CMIP: variants seen among roughly 807,000 people sequenced by gnomAD.
CMIP encodes the protein c-Maf inducing protein.
In CMIP, 13 loss-of-function variants were observed where a neutral mutation model predicts 97.3. The ratio of observed to expected loss-of-function variants is 0.13; its 90% confidence interval spans 0.09 to 0.21. The LOEUF (loss-of-function observed/expected upper bound fraction) is 0.21, where lower values mean the gene tolerates loss of function less well. Ranked by LOEUF, CMIP falls within the 10% of genes least tolerant of loss-of-function variation. The pLI is 1.00. For missense variants in CMIP, 847 were observed against 1,024.9 expected (o/e 0.83, Z 2.37); for synonymous variants, 538 against 436.3 (o/e 1.23, Z -2.91).
intron 2 of CMIP, chr16:81,619,862 G>T (rs746178736): frequency 2.0e-5 from 3 of 152,174 alleles, no homozygotes; most frequent in Non-Finnish European, 4.4e-5. Flanking sequence ...CCACACACAG[G>T]ACTCAGAGCT....
chr16:81,609,529 C>A (rs2091797075), intron 2 of CMIP, among the ~76,000 whole-genome samples: 1 of 152,244 alleles, frequency 6.6e-6, no homozygotes, highest in Non-Finnish European at 1.5e-5. Context: ...GCGTGAAGAG[C>A]CCCTCAGCCC....
At chr16:81,497,959 T>C (rs1012469449) in intron 1 of CMIP, among the ~76,000 whole-genome samples, 12 of 152,264 alleles carry the variant, frequency 7.9e-5, no homozygotes, top group Non-Finnish European at 1.8e-4. Flanking sequence ...TCTCCGGTGC[T>C]TCCCTTATTT....
intron 1 of CMIP, among the ~76,000 whole-genome samples, chr16:81,607,344 C>T (rs2091760805): frequency 6.6e-6 from 1 of 152,216 alleles, no homozygotes; most frequent in South Asian, 2.1e-4. Flanking sequence ...AACTCTGCAC[C>T]TCCAAACGTG....
intron 18 of CMIP, 35 bp downstream of exon 18, chr16:81,704,120 C>A: frequency 6.3e-7 from 1 of 1,581,118 alleles, no homozygotes. Flanking sequence ...TCCCCCACAC[C>A]CTCCTCCTTC....
intron 20 of CMIP, among the ~76,000 whole-genome samples, chr16:81,709,342 C>T (rs1035094166): frequency 1.3e-5 from 2 of 152,152 alleles, no homozygotes; most frequent in African/African-American, 2.4e-5. Context: ...TATTTAACCC[C>T]TAGCACCATC....
intron 1 of CMIP, chr16:81,464,611 A>G (rs1251116692): frequency 6.6e-6 from 1 of 152,212 alleles, no homozygotes; most frequent in East Asian, 1.9e-4. Context: ...TTATCATTTT[A>G]TCCATTTGTA....
intron 1 of CMIP, among the ~76,000 whole-genome samples, chr16:81,537,013 T>A (rs1293265078): frequency 6.6e-6 from 1 of 152,190 alleles, no homozygotes; most frequent in Admixed American, 6.5e-5. Flanking sequence ...ACTCCACATC[T>A]GTGCAGTTGT....
At position 81,535,466 on chromosome 16, in the gene CMIP, C is replaced by G. The variant is rs78576821; in HGVS notation, c.301-72101C>G. ...CTGCTCATGGTATAGCACTGGAATG[C>G]TTTTTTTTTTTTTTTTTTTAAACAG... is the stretch of plus-strand genomic sequence containing the variant. On this transcript the variant is annotated intron_variant, in intron 1 of 20. Transcript: ENST00000537098. 4.5e-5 allele frequency among the ~76,000 whole-genome samples: 6 copies of G among 134,410 alleles called. No individual in the cohort carries two copies. In the South Asian group the frequency reaches 1.4e-3, roughly 32 times the overall value. The allele number at this position is 134,410 out of a possible 152,430, so 88.2% of individuals were successfully genotyped here. A position where few individuals can be genotyped will look rare whatever the true frequency, so the allele number is the denominator to read the frequency against.
chr16:81,485,853 G>A (rs2089305801), intron 1 of CMIP, among the ~76,000 whole-genome samples: 1 of 152,178 alleles, frequency 6.6e-6, no homozygotes, highest in Non-Finnish European at 1.5e-5. Context: ...TGATAGAGCT[G>A]GGGTGGCACC....
At chr16:81,643,072 A>C (rs1185225999) in intron 3 of CMIP, among the ~76,000 whole-genome samples, 1 of 152,186 alleles carries the variant, frequency 6.6e-6, no homozygotes, top group Admixed American at 6.5e-5. Flanking sequence ...AACCCACAAC[A>C]GTTTTGGCAG....
At chr16:81,609,856 C>T (rs577115988) in intron 2 of CMIP, among the ~76,000 whole-genome samples, 6 of 152,146 alleles carry the variant, frequency 3.9e-5, no homozygotes, top group African/African-American at 1.4e-4. Context: ...ATCTGTTGGG[C>T]GATGGCCAGA....
At chr16:81,476,335 T>C (rs1212894804) in intron 1 of CMIP, 4 of 1,434,066 alleles carry the variant, frequency 2.8e-6, no homozygotes, top group South Asian at 2.3e-5. Flanking sequence ...ACCACCCTGA[T>C]ACATAAACCC....
intron 3 of CMIP, among the ~76,000 whole-genome samples, chr16:81,648,475 C>T (rs955785718): frequency 6.6e-6 from 1 of 152,128 alleles, no homozygotes; most frequent in African/African-American, 2.4e-5. Context: ...GGCCTGGGCA[C>T]ACGGCAGTCA....
intron 1 of CMIP, among the ~76,000 whole-genome samples, chr16:81,577,117 CCAT>C (rs892874656): frequency 2.8e-5 from 4 of 142,030 alleles, no homozygotes; most frequent in Non-Finnish European, 6.0e-5. Flanking sequence ...ACCATCACCA[CCAT>C]CATAACTATC....
rs2091921756 is a variant in CMIP, at chr16:81,616,587, A to G, written c.427-4289A>G. Among the ~76,000 whole-genome samples, 1 of 152,202 alleles carries G rather than the reference A, an allele frequency of 6.6e-6. No homozygotes were observed. The highest frequency in any genetic ancestry group is 2.1e-4 in the South Asian group (1 of 4,822). On this transcript the variant is annotated intron_variant, in intron 2 of 20. Coordinates refer to ENST00000537098, the MANE Select transcript of CMIP (RefSeq NM_198390.3). The surrounding 1 kb of genome is among the most constrained non-coding windows in gnomAD (Gnocchi z 4.7). ...TGTTTAGCTGGGATCTGCAAACTAA[A>G]CCTGCCTTCTTGAACCGAAACCTGC...
intron 1 of CMIP, chr16:81,518,553 C>G (rs1027420232): frequency 1.3e-5 from 2 of 152,324 alleles, no homozygotes; most frequent in Non-Finnish European, 1.5e-5. Context: ...GGGCGCCCAG[C>G]ACGGGTCAGG....
Position 81,614,141 on chromosome 16 carries a change from G to A in CMIP, c.426+6449G>A, listed in dbSNP as rs1032813398. On this transcript the variant is annotated intron_variant, in intron 2 of 20. Coordinates refer to ENST00000537098, the MANE Select transcript of CMIP (RefSeq NM_198390.3). The surrounding 1 kb of genome is among the most constrained non-coding windows in gnomAD (Gnocchi z 5.3). ...AGTGGCATTTCAGGAGGGACCTGAA[G>A]TGTAAGTAGGAGTCCAGCGGGCAGC... Among the ~76,000 whole-genome samples, 2 of 152,166 alleles carry A rather than the reference G, an allele frequency of 1.3e-5. No homozygotes were observed. Among genetic ancestry groups the A allele is most frequent in the South Asian group, 4.2e-4 (2 of 4,818 alleles).
At chr16:81,537,863 G>A (rs975290746) in intron 1 of CMIP, among the ~76,000 whole-genome samples, 7 of 152,310 alleles carry the variant, frequency 4.6e-5, no homozygotes, top group South Asian at 2.1e-4. Context: ...GGCTGCATGC[G>A]TGGGGTGCAG....
rs940773726 is a variant in CMIP at position 81,537,904 on chromosome 16, T to A, written c.301-69663T>A. Among the ~76,000 whole-genome samples, 4 of 151,138 alleles carry A rather than the reference T, an allele frequency of 2.6e-5. No homozygotes were observed. The East Asian group carries it at 7.9e-4, about 30-fold the overall frequency. ...GGGTCAGCTGAAGGTGTCGGGGAAC[T>A]CACAGAGGGTGGAGAGAGCCCTGGG... On this transcript the variant is annotated intron_variant, in intron 1 of 20. Transcript: ENST00000537098.
Sources: gnomAD v4.1 joint callset for allele counts (sites outside exome capture counted in the v4.1 genomes callset) on GRCh38, gnomAD v4.1.1 for gene constraint, Gnocchi (gnomAD v3.1) non-coding constraint, MANE v1.5 for transcripts, NCBI Gene and HGNC (gene_info 2026-07-23, HGNC 2026-07-21) for gene names.